Variants in CTNNA2 observed in about 807,000 individuals in gnomAD.
CTNNA2 encodes catenin alpha-2.
A neutral mutation model predicts 101.0 loss-of-function variants in CTNNA2; 42 were observed. The observed-to-expected ratio is 0.42, with a 90% confidence interval of 0.32 to 0.54. The LOEUF (loss-of-function observed/expected upper bound fraction) is 0.54, where lower values mean the gene tolerates loss of function less well. CTNNA2 is among the 20% of genes least tolerant of loss of function. The probability of loss-of-function intolerance (pLI) is 0.14; values close to 1 mark genes in which losing one functional copy is unlikely to be tolerated. For synonymous variants in CTNNA2, 450 were observed against 456.4 expected, an observed-to-expected ratio of 0.99 and a Z score of 0.18; for missense variants, 871 against 1,223.1, an observed-to-expected ratio of 0.71 and a Z score of 4.29.
At chr2:79,699,467 A>G (rs1684848735) in intron 2 of CTNNA2, among the ~76,000 whole-genome samples, 1 of 152,048 alleles carries the variant, frequency 6.6e-6, no homozygotes, top group South Asian at 2.1e-4. Context: ...AAACAATATT[A>G]TGGTGAAATT....
At chr2:80,234,402 A>G (rs1409410680) in intron 7 of CTNNA2, among the ~76,000 whole-genome samples, 2 of 152,050 alleles carry the variant, frequency 1.3e-5, no homozygotes, top group Non-Finnish European at 2.9e-5. Flanking sequence ...CCACCCTAAC[A>G]CCTCTAATTC....
At chr2:80,338,082 G>A (rs1012538211) in intron 7 of CTNNA2, among the ~76,000 whole-genome samples, 9 of 151,946 alleles carry the variant, frequency 5.9e-5, no homozygotes, top group African/African-American at 1.9e-4. Flanking sequence ...TCTGCCTCTT[G>A]GGTTCAAGAG....
Position 80,302,959 on chromosome 2 carries a change from C to T in CTNNA2, c.1057-90252C>T. 6.2e-7 allele frequency: 1 copy of T among 1,613,856 alleles called. No homozygotes were observed. The highest frequency in any genetic ancestry group is 1.1e-5 in the South Asian group (1 of 91,048). On this transcript the variant is annotated intron_variant, in intron 7 of 18. Coordinates refer to ENST00000402739, the MANE Select transcript of CTNNA2 (RefSeq NM_001282597.3). The surrounding 1 kb of genome is among the most constrained non-coding windows in gnomAD (Gnocchi z 6.4). ...CGATGTAGGTGAGGCGGTTGGAGTCCAGCTGCAGGGACTGCAGGTGCGGCA... is the reference window on the plus strand; with the variant it reads ...CGATGTAGGTGAGGCGGTTGGAGTCTAGCTGCAGGGACTGCAGGTGCGGCA...
intron 7 of CTNNA2, among the ~76,000 whole-genome samples, chr2:79,920,398 C>T (rs563469385): frequency 6.6e-6 from 1 of 152,174 alleles, no homozygotes; most frequent in African/African-American, 2.4e-5. Flanking sequence ...TCATCTGCTC[C>T]TCTGTTGGAA....
At chr2:80,545,440 G>C (rs979017690) in intron 10 of CTNNA2, among the ~76,000 whole-genome samples, 1 of 152,176 alleles carries the variant, frequency 6.6e-6, no homozygotes, top group Non-Finnish European at 1.5e-5. Flanking sequence ...AGTTTACTGG[G>C]GAGTCTGAGG....
chr2:80,632,951 A>T (rs1249846076), intron 18 of CTNNA2, among the ~76,000 whole-genome samples: 1 of 152,240 alleles, frequency 6.6e-6, no homozygotes, highest in Non-Finnish European at 1.5e-5. Context: ...CAGAGTGTCC[A>T]AACTTTCACA....
intron 2 of CTNNA2, among the ~76,000 whole-genome samples, chr2:79,253,507 C>T (rs1674800569): frequency 6.6e-6 from 1 of 152,168 alleles, no homozygotes; most frequent in Admixed American, 6.5e-5. Context: ...ATTTGGTGAG[C>T]TTTCAAACAG....
intron 2 of CTNNA2, among the ~76,000 whole-genome samples, chr2:79,743,537 T>TTTA: frequency 1.1e-5 from 1 of 94,160 alleles, no homozygotes; most frequent in South Asian, 3.0e-4. Context: ...ATTTTATTTA[T>TTTA]TTTTTTTTTT....
chr2:80,302,557 G>A lies in CTNNA2; in HGVS notation c.1057-90654G>A, dbSNP rs1470218165. The A allele has an allele frequency of 1.2e-6, 2 of 1,608,774 alleles. No homozygotes were observed. Among genetic ancestry groups the A allele is most frequent in the East Asian group, 2.2e-5 (1 of 44,862 alleles). On this transcript the variant is annotated intron_variant, in intron 7 of 18. Coordinates refer to ENST00000402739, the MANE Select transcript of CTNNA2 (RefSeq NM_001282597.3). The surrounding 1 kb of genome is among the most constrained non-coding windows in gnomAD (Gnocchi z 6.4). ...TGACCACCTTGTGGATCTGCACGGC[G>A]TTCTCGGCGTGCTCGCCGCCTGGAA... is the stretch of plus-strand genomic sequence containing the variant.
intron 7 of CTNNA2, among the ~76,000 whole-genome samples, chr2:79,919,731 G>C (rs530087229): frequency 1.3e-5 from 2 of 152,168 alleles, no homozygotes; most frequent in Non-Finnish European, 1.5e-5. Flanking sequence ...AGATCTGAAC[G>C]CTGGATCTCT....
chr2:80,150,231 G>A (rs11673937), intron 7 of CTNNA2, among the ~76,000 whole-genome samples: 1 of 151,934 alleles, frequency 6.6e-6, no homozygotes, highest in South Asian at 2.1e-4. Context: ...CTCTCTCTCT[G>A]TCTGTCTTCT....
At chr2:79,733,612 C>T (rs1687335105) in intron 2 of CTNNA2, among the ~76,000 whole-genome samples, 1 of 151,048 alleles carries the variant, frequency 6.6e-6, no homozygotes, top group Admixed American at 6.6e-5. Flanking sequence ...CTTACCCTTC[C>T]CTCAAGATAC....
intron 7 of CTNNA2, among the ~76,000 whole-genome samples, chr2:80,200,281 C>A (rs1281792018): frequency 2.0e-5 from 3 of 152,114 alleles, no homozygotes; most frequent in Admixed American, 6.5e-5. Flanking sequence ...GAGAAACAGA[C>A]TCTGAATTGC....
chr2:80,306,879 G>A (rs1473914443), intron 7 of CTNNA2, among the ~76,000 whole-genome samples: 1 of 151,978 alleles, frequency 6.6e-6, no homozygotes, highest in Non-Finnish European at 1.5e-5. Flanking sequence ...GTCCCACTTT[G>A]GATGTCACTT....
At position 79,902,932 on chromosome 2, in the gene CTNNA2, G is replaced by A. The variant is rs111797972; in HGVS notation, c.853-6662G>A. Among the ~76,000 whole-genome samples the A allele has an allele frequency of 9.6e-3, 1,460 of 152,216 alleles. 35 individuals carry two copies. The highest frequency in any genetic ancestry group is 0.032 in the African/African-American group (1,338 of 41,536). On this transcript the variant is annotated intron_variant, in intron 6 of 18. Coordinates refer to ENST00000402739, the MANE Select transcript of CTNNA2 (RefSeq NM_001282597.3). ...GAGCCACTGCGCCCGGTCAGCAAAT[G>A]TTTTCTTGAAGGGCCAAGAGTAAAT...
intron 1 of CTNNA2, among the ~76,000 whole-genome samples, chr2:79,531,195 CAT>C (rs34087238): frequency 0.062 from 6,710 of 108,900 alleles, 195 homozygotes; most frequent in East Asian, 0.12. Context: ...TAGATACGCT[CAT>C]ATATATATAT....
intron 7 of CTNNA2, among the ~76,000 whole-genome samples, chr2:80,069,183 C>T (rs1193994641): frequency 6.6e-6 from 1 of 152,058 alleles, no homozygotes; most frequent in East Asian, 1.9e-4. Context: ...CTTTTTCCAC[C>T]TTTATGTTCT....
At chr2:80,304,014 C>G in intron 7 of CTNNA2, 1 of 546,454 alleles carries the variant, frequency 1.8e-6, no homozygotes, top group Non-Finnish European at 3.0e-6. Flanking sequence ...ATGCAGAAAG[C>G]TGGGCAGCAT....
At chr2:80,345,658 T>A (rs1233380061) in intron 7 of CTNNA2, among the ~76,000 whole-genome samples, 11 of 147,864 alleles carry the variant, frequency 7.4e-5, no homozygotes, top group East Asian at 2.0e-4. Flanking sequence ...GGGACTAATT[T>A]AAAAAAAAAA....
Sources: allele counts gnomAD v4.1 joint callset (sites outside exome capture counted in the v4.1 genomes callset), GRCh38; gene constraint gnomAD v4.1.1; non-coding constraint Gnocchi (gnomAD v3.1); transcripts MANE v1.5; gene names NCBI Gene and HGNC (gene_info 2026-07-23, HGNC 2026-07-21).